Variants in SULF1 observed in about 807,000 individuals in gnomAD.
SULF1 encodes the protein sulfatase 1.
Under a neutral mutation model 110.5 loss-of-function variants are expected in SULF1, and 46 were observed. The observed-to-expected ratio is 0.42, with a 90% CI of 0.33 to 0.53. The LOEUF is 0.53. Ranked by LOEUF, SULF1 falls within the 20% of genes least tolerant of loss-of-function variation. The probability of loss-of-function intolerance (pLI) is 0.12; values close to 1 mark genes in which losing one functional copy is unlikely to be tolerated. For missense variants in SULF1, 941 were observed against 1,094.2 expected, an observed-to-expected ratio of 0.86 and a Z score of 1.98; for synonymous variants, 371 against 387.1, an observed-to-expected ratio of 0.96 and a Z score of 0.49.
intron 22 of SULF1, among the ~76,000 whole-genome samples, chr8:69,647,073 T>A (rs1586630894): frequency 6.6e-6 from 1 of 150,980 alleles, no homozygotes; most frequent in East Asian, 2.0e-4. Flanking sequence ...GCCTCCCTAG[T>A]AGCTGGGACT....
chr8:69,654,369 A>G (rs1812562280), intron 22 of SULF1, among the ~76,000 whole-genome samples: 1 of 152,148 alleles, frequency 6.6e-6, no homozygotes, highest in South Asian at 2.1e-4. Context: ...GCTAGCAAGT[A>G]CCTCTTGCTC....
At chr8:69,577,554 CT>C (rs1452725900) in intron 6 of SULF1, among the ~76,000 whole-genome samples, 30 of 152,132 alleles carry the variant, frequency 2.0e-4, no homozygotes, top group Admixed American at 1.9e-3. Flanking sequence ...GATTGGGACT[CT>C]CACATATCCA....
At position 69,658,981 on chromosome 8, in the gene SULF1, A is replaced by T; in HGVS notation, c.*446A>T. On this transcript the variant is annotated 3_prime_UTR_variant, in exon 23 of 23. Coordinates refer to ENST00000402687, the MANE Select transcript of SULF1 (RefSeq NM_001128205.2). ...ACACTGGAGAAAAACCGAAAAATGG[A>T]CGGGGCATGAAGAGACTAATCATCT... 6.6e-6 allele frequency: 3 copies of T among 457,760 alleles called. No individual in the cohort carries two copies. Among genetic ancestry groups the T allele is most frequent in the Non-Finnish European group, 1.3e-5 (3 of 227,560 alleles). The allele number at this position is 457,760 out of a possible 1,614,324, so 28.4% of individuals were successfully genotyped here.
chr8:69,561,988 A>T (rs1202513978), intron 3 of SULF1, among the ~76,000 whole-genome samples: 1 of 152,246 alleles, frequency 6.6e-6, no homozygotes, highest in Non-Finnish European at 1.5e-5. Flanking sequence ...ACCCTGCGTT[A>T]TTAAGAAGAA....
chr8:69,602,463 A>T (rs570048149), intron 10 of SULF1, among the ~76,000 whole-genome samples: 8 of 152,334 alleles, frequency 5.3e-5, no homozygotes, highest in African/African-American at 1.7e-4. Context: ...TAAAAGAAAA[A>T]GTGGAAGTAG....
In SULF1 at chr8:69,654,081, C is replaced by A. The variant is rs184738462; in HGVS notation, c.2586-4424C>A. Among the ~76,000 whole-genome samples the A allele has an allele frequency of 9.2e-5, 14 of 152,292 alleles. No individual in the cohort carries two copies. In the East Asian group the frequency reaches 2.7e-3, roughly 29 times the overall value. ...CCAGGAGTGGCTTAGCAATATATGA[C>A]CTCACCCTTTTAGGAGTCTGGTATA... is the stretch of plus-strand genomic sequence containing the variant. On this transcript the variant is annotated intron_variant, in intron 22 of 22. Transcript: ENST00000402687.
chr8:69,606,972 C>T (rs1245602058), intron 13 of SULF1, among the ~76,000 whole-genome samples: 2 of 152,196 alleles, frequency 1.3e-5, no homozygotes, highest in African/African-American at 4.8e-5. Context: ...TATATTGGGC[C>T]TGAGTGAGCT....
At chr8:69,589,660 T>C (rs2130291523) in intron 8 of SULF1, among the ~76,000 whole-genome samples, 1 of 150,268 alleles carries the variant, frequency 6.7e-6, no homozygotes, top group African/African-American at 2.4e-5. Flanking sequence ...AGCTTTAAAA[T>C]AACCTGATTT....
intron 3 of SULF1, among the ~76,000 whole-genome samples, chr8:69,559,072 A>G (rs1469398569): frequency 6.6e-6 from 1 of 152,220 alleles, no homozygotes; most frequent in Non-Finnish European, 1.5e-5. Context: ...GTTGAAATAC[A>G]CTGTTCTGGC....
At chr8:69,498,005 A>G (rs914364107) in intron 2 of SULF1, among the ~76,000 whole-genome samples, 18 of 152,176 alleles carry the variant, frequency 1.2e-4, no homozygotes, top group African/African-American at 4.3e-4. Context: ...ATAGAATTTT[A>G]GAGTAAGAAG....
At chr8:69,532,203 T>C (rs1439626471) in intron 3 of SULF1, among the ~76,000 whole-genome samples, 1 of 152,210 alleles carries the variant, frequency 6.6e-6, no homozygotes, top group Non-Finnish European at 1.5e-5. Context: ...TCATAAATCC[T>C]CGAACTTTAT....
intron 18 of SULF1, 150 bp downstream of exon 18, chr8:69,628,386 A>C: frequency 1.5e-6 from 1 of 664,980 alleles, no homozygotes; most frequent in Non-Finnish European, 2.7e-6. Context: ...ATGAAGTTGA[A>C]AGCAAAGCCC....
chr8:69,596,030 A>G (rs1053367323), intron 8 of SULF1, among the ~76,000 whole-genome samples: 1 of 152,222 alleles, frequency 6.6e-6, no homozygotes, highest in Non-Finnish European at 1.5e-5. Flanking sequence ...GAGAATTGGC[A>G]TGATGGTGAA....
At chr8:69,636,336 A>G (rs1811006436) in intron 19 of SULF1, among the ~76,000 whole-genome samples, 1 of 152,146 alleles carries the variant, frequency 6.6e-6, no homozygotes, top group Non-Finnish European at 1.5e-5. Flanking sequence ...GGAGATCAAG[A>G]CCATCCTGGC....
At chr8:69,562,239 T>A (rs761732532) in intron 3 of SULF1, among the ~76,000 whole-genome samples, 10 of 152,238 alleles carry the variant, frequency 6.6e-5, no homozygotes, top group Non-Finnish European at 1.3e-4. Flanking sequence ...TACGTGTGTG[T>A]GTTTGTGTAA....
At chr8:69,597,518 C>G (rs1490120441) in intron 8 of SULF1, 5 of 152,138 alleles carry the variant, frequency 3.3e-5, no homozygotes, top group African/African-American at 1.2e-4. Flanking sequence ...TGAACTTTCC[C>G]TTTTAATATA....
At chr8:69,646,155 A>G (rs1811895428) in intron 22 of SULF1, among the ~76,000 whole-genome samples, 1 of 152,146 alleles carries the variant, frequency 6.6e-6, no homozygotes, top group South Asian at 2.1e-4. Context: ...CCTAAAAGCA[A>G]TAGGCAGACA....
intron 3 of SULF1, among the ~76,000 whole-genome samples, chr8:69,548,741 A>G (rs886962575): frequency 2.0e-5 from 3 of 151,632 alleles, no homozygotes; most frequent in Admixed American, 6.6e-5. Context: ...GATTACAGGC[A>G]TGAGCCACCG....
At chr8:69,619,507 G>T (rs535537780) in intron 13 of SULF1, among the ~76,000 whole-genome samples, 1 of 152,338 alleles carries the variant, frequency 6.6e-6, no homozygotes, top group Non-Finnish European at 1.5e-5. Flanking sequence ...GTAAGTGCAA[G>T]GACACTTAGT....
Sources: allele counts gnomAD v4.1 joint callset (sites outside exome capture counted in the v4.1 genomes callset), GRCh38; gene constraint gnomAD v4.1.1; transcripts MANE v1.5; gene names NCBI Gene and HGNC (gene_info 2026-07-23, HGNC 2026-07-21).